FRAS1: variants seen among roughly 807,000 people sequenced by gnomAD.
The protein encoded by FRAS1 is Fraser extracellular matrix complex subunit 1.
A neutral mutation model predicts 435.2 loss-of-function variants in FRAS1; 290 were observed. That is an observed-to-expected ratio of 0.67 (90% CI 0.61 to 0.73). The LOEUF is 0.73. Among genes scored for constraint, FRAS1 ranks in the 30% least tolerant of loss-of-function variants. The probability of loss-of-function intolerance (pLI) is 0.00; values close to 1 mark genes in which losing one functional copy is unlikely to be tolerated. For synonymous variants in FRAS1, 1,800 were observed against 1,851.0 expected, an observed-to-expected ratio of 0.97 and a Z score of 0.71; for missense variants, 4,860 against 5,001.5, an observed-to-expected ratio of 0.97 and a Z score of 0.85.
At chr4:78,499,226 G>A (rs1226530586) in intron 60 of FRAS1, among the ~76,000 whole-genome samples, 2 of 152,166 alleles carry the variant, frequency 1.3e-5, no homozygotes, top group Admixed American at 1.3e-4. Flanking sequence ...AGAGGAGGGG[G>A]TCCAAAGGAC....
intron 64 of FRAS1, among the ~76,000 whole-genome samples, chr4:78,512,468 T>C (rs1047819758): frequency 2.0e-5 from 3 of 152,080 alleles, no homozygotes; most frequent in Non-Finnish European, 4.4e-5. Context: ...GTATATAAAC[T>C]CAAAACACAC....
rs771669940 is a variant in FRAS1, at chr4:78,476,470, A to AT, written c.7851+873dup. On this transcript the variant is annotated intron_variant, in intron 54 of 73. Coordinates refer to ENST00000512123, the MANE Select transcript of FRAS1 (RefSeq NM_025074.7). ...TGGAGGGCACAATGTCTGACACTTA[A>AT]TTTTTTTTTCAAAGCAACTTTATTG... Among the ~76,000 whole-genome samples the AT allele has an allele frequency of 1.7e-3, 253 of 151,764 alleles. 1 individual carries two copies. Among genetic ancestry groups the AT allele is most frequent in the Middle Eastern group, 3.4e-3 (1 of 294 alleles).
intron 14 of FRAS1, among the ~76,000 whole-genome samples, chr4:78,293,490 A>C (rs1464388019): frequency 6.6e-6 from 1 of 152,180 alleles, no homozygotes; most frequent in Non-Finnish European, 1.5e-5. Context: ...CAGGATAATT[A>C]CAGACTCTCT....
At chr4:78,508,495 T>A (rs1424430736) in intron 62 of FRAS1, among the ~76,000 whole-genome samples, 6 of 152,170 alleles carry the variant, frequency 3.9e-5, no homozygotes, top group African/African-American at 1.4e-4. Context: ...GATTTAGGAA[T>A]AAAACTAAAA....
At chr4:78,258,809 A>G (rs560575419) in intron 6 of FRAS1, among the ~76,000 whole-genome samples, 3,565 of 132,748 alleles carry the variant, frequency 0.027, 160 homozygotes, top group African/African-American at 0.093. Context: ...GCACCCACTA[A>G]CTCGTCATCT....
chr4:78,167,035 G>A (rs1348816478), intron 2 of FRAS1, among the ~76,000 whole-genome samples: 1 of 152,150 alleles, frequency 6.6e-6, no homozygotes, highest in African/African-American at 2.4e-5. Context: ...AGACATAAAT[G>A]CTATTGTGTT....
At chr4:78,396,310 C>G (rs1732660596) in intron 29 of FRAS1, among the ~76,000 whole-genome samples, 1 of 152,126 alleles carries the variant, frequency 6.6e-6, no homozygotes, top group Non-Finnish European at 1.5e-5. Flanking sequence ...TGATTATATT[C>G]TTAGCTTTTC....
chr4:78,174,696 G>A (rs1401222128), intron 2 of FRAS1, among the ~76,000 whole-genome samples: 2 of 152,156 alleles, frequency 1.3e-5, no homozygotes, highest in Non-Finnish European at 2.9e-5. Flanking sequence ...ATTTGTCCTG[G>A]GGATAAAATG....
chr4:78,442,908 A>G (rs1560730896), intron 41 of FRAS1, among the ~76,000 whole-genome samples: 2 of 152,218 alleles, frequency 1.3e-5, no homozygotes, highest in Admixed American at 1.3e-4. Flanking sequence ...GCTGCTCTAC[A>G]ATAATATTGG....
chr4:78,269,567 G>A (rs755473935), intron 9 of FRAS1, among the ~76,000 whole-genome samples: 63 of 152,280 alleles, frequency 4.1e-4, no homozygotes, highest in Non-Finnish European at 7.1e-4. Context: ...TATCACACTG[G>A]TTATCAACAG....
At chr4:78,362,508 C>T (rs1731112572) in intron 20 of FRAS1, among the ~76,000 whole-genome samples, 2 of 152,190 alleles carry the variant, frequency 1.3e-5, no homozygotes, top group South Asian at 4.1e-4. Context: ...CCATGGGGGG[C>T]CTGCAGCCAA....
chr4:78,179,966 C>T (rs62308028), intron 2 of FRAS1, among the ~76,000 whole-genome samples: 3 of 152,210 alleles, frequency 2.0e-5, no homozygotes, highest in Admixed American at 6.5e-5. Context: ...AATGATATCA[C>T]TATACTTACA....
intron 18 of FRAS1, chr4:78,319,530 C>A: frequency 2.5e-6 from 1 of 396,308 alleles, no homozygotes; most frequent in South Asian, 1.9e-5. Context: ...CTTTCTGTTC[C>A]CACAAGTAGC....
chr4:78,428,354 G>A (rs959177241), intron 35 of FRAS1, among the ~76,000 whole-genome samples: 2 of 150,924 alleles, frequency 1.3e-5, no homozygotes, highest in South Asian at 2.1e-4. Flanking sequence ...ACGAAGTCTC[G>A]CTGTATCGCC....
chr4:78,274,592 C>G (rs1388883759), intron 9 of FRAS1, among the ~76,000 whole-genome samples: 1 of 152,196 alleles, frequency 6.6e-6, no homozygotes, highest in Non-Finnish European at 1.5e-5. Context: ...CATTCAGGAG[C>G]AGGTTGTTCA....
In FRAS1 at chr4:78,268,453, G is replaced by C. The variant is rs78892237; in HGVS notation, c.981+1021G>C. The stretch of plus-strand genomic sequence containing the variant: ...TTTCATTTATTTTCTTTATGTTAGA[G>C]GAATCAGGGTGATTGGATGAAGATG... On this transcript the variant is annotated intron_variant, in intron 9 of 73. Coordinates refer to ENST00000512123, the MANE Select transcript of FRAS1 (RefSeq NM_025074.7). Among the ~76,000 whole-genome samples, 16 of 152,310 alleles carry C rather than the reference G, an allele frequency of 1.1e-4. No individual in the cohort carries two copies. The East Asian group carries it at 3.1e-3, about 29-fold the overall frequency.
intron 2 of FRAS1, among the ~76,000 whole-genome samples, chr4:78,074,530 A>C (rs774757183): frequency 5.3e-5 from 8 of 152,156 alleles, no homozygotes; most frequent in Admixed American, 2.6e-4. Context: ...AAGATTAATA[A>C]GATATTAGTT....
intron 9 of FRAS1, among the ~76,000 whole-genome samples, chr4:78,272,355 CT>C (rs1462648658): frequency 6.6e-6 from 1 of 152,120 alleles, no homozygotes. Flanking sequence ...GTTGCCATTG[CT>C]TTTGGTGTTT....
At chr4:78,412,860 G>A in intron 31 of FRAS1, 109 bp from the exon 32 acceptor site, 1 of 508,584 alleles carries the variant, frequency 2.0e-6, no homozygotes, top group Non-Finnish European at 3.5e-6. Context: ...TGTAACGCAG[G>A]AGCATATAGA....
Sources: allele counts gnomAD v4.1 joint callset (sites outside exome capture counted in the v4.1 genomes callset), GRCh38; gene constraint gnomAD v4.1.1; transcripts MANE v1.5; gene names NCBI Gene and HGNC (gene_info 2026-07-23, HGNC 2026-07-21).